The following VIPR1 variants were observed in gnomAD, a reference collection of about 807,000 sequenced individuals.
VIPR1 encodes the protein vasoactive intestinal polypeptide receptor 1.
In VIPR1, 59 loss-of-function variants were observed where a neutral mutation model predicts 58.8. The observed-to-expected ratio is 1.00, with a 90% CI of 0.81 to 1.25. The LOEUF (loss-of-function observed/expected upper bound fraction) is 1.25, where lower values mean the gene tolerates loss of function less well. Ranked by LOEUF, VIPR1 falls within the 50% of genes most tolerant of loss-of-function variation. VIPR1 has a pLI of 0.00. For synonymous variants in VIPR1, 251 were observed against 242.1 expected, an observed-to-expected ratio of 1.04 and a Z score of -0.34; for missense variants, 626 against 602.7, an observed-to-expected ratio of 1.04 and a Z score of -0.40.
intron 2 of VIPR1, among the ~76,000 whole-genome samples, chr3:42,515,094 G>A (rs984988599): frequency 1.2e-4 from 19 of 152,176 alleles, no homozygotes; most frequent in African/African-American, 3.6e-4. Flanking sequence ...CCATCTCCCC[G>A]CGGCTGAGCT....
At chr3:42,510,787 C>T (rs1700325717) in intron 1 of VIPR1, among the ~76,000 whole-genome samples, 1 of 152,066 alleles carries the variant, frequency 6.6e-6, no homozygotes, top group African/African-American at 2.4e-5. Flanking sequence ...GCTTCGGTAC[C>T]CACCCCTCCT....
chr3:42,531,284 A>T, intron 7 of VIPR1, 187 bp from the exon 8 acceptor site: 1 of 653,096 alleles, frequency 1.5e-6, no homozygotes, highest in Non-Finnish European at 2.7e-6. Context: ...TCAGGCATAC[A>T]GCTTCACCCC....
At chr3:42,513,721 G>A in intron 1 of VIPR1, 28 bp from the exon 2 acceptor site, 1 of 1,550,206 alleles carries the variant, frequency 6.5e-7, no homozygotes, top group Non-Finnish European at 8.7e-7. Context: ...GGACGAGGCT[G>A]ATGGGCCCTC....
chr3:42,528,091 A>G lies in VIPR1; in HGVS notation c.604A>G (p.Ser202Gly). The change falls in exon 6 of 13, where the codon AGC becomes GGC. Residue 202 changes from serine to glycine, a missense_variant. By Grantham distance (56) the Ser-to-Gly change is moderately conservative. Transcript: ENST00000325123. The part of the protein sequence containing the change: ...VFIKDLALFD[S>G]GESDQCSEGS... Reference sequence around the variant, plus strand: ...CATCAAAGACTTGGCCCTCTTCGACAGCGGGGAGTCGGACCAGTGCTCCGA... The same window carrying G: ...CATCAAAGACTTGGCCCTCTTCGACGGCGGGGAGTCGGACCAGTGCTCCGA... 6.2e-7 allele frequency: 1 copy of G among 1,613,948 alleles called. No individual in the cohort carries two copies. The highest frequency in any genetic ancestry group is 8.5e-7 in the Non-Finnish European group (1 of 1,179,928).
chr3:42,502,382 G>C (rs1699901577), upstream of VIPR1, among the ~76,000 whole-genome samples: 2 of 152,224 alleles, frequency 1.3e-5, no homozygotes, highest in South Asian at 4.1e-4. Context: ...AATGTGTTCG[G>C]GTCTCGAGAT....
chr3:42,522,561 A>ATG (rs1701007610), intron 3 of VIPR1, among the ~76,000 whole-genome samples: 1 of 152,162 alleles, frequency 6.6e-6, no homozygotes, highest in Non-Finnish European at 1.5e-5. Flanking sequence ...TGCTATAAAT[A>ATG]AGAAAACCTT....
chr3:42,501,727 C>T (rs890831234), upstream of VIPR1, among the ~76,000 whole-genome samples: 2 of 152,232 alleles, frequency 1.3e-5, no homozygotes, highest in African/African-American at 4.8e-5. The surrounding 1 kb of genome is among the most constrained non-coding windows in gnomAD (Gnocchi z 4.8). Flanking sequence ...CCTCTCTGGA[C>T]CCCAGTATCC....
In VIPR1 at chr3:42,530,896, C is replaced by T. The variant is rs750203135; in HGVS notation, c.754C>T (p.Arg252Trp). The change falls in exon 7 of 13, where the codon CGG (arginine) becomes TGG (tryptophan). Residue 252 changes from arginine to tryptophan, a missense_variant. Arg to Trp is a moderately radical substitution (Grantham distance 101). Coordinates refer to ENST00000325123, the MANE Select transcript of VIPR1 (RefSeq NM_004624.4). ...GCTTGCCGTCTCCTTCTTCTCTGAG[C>T]GGAAGTACTTCTGGGGGTACATACT... ...TLLAVSFFSERKYFWGYILIG... is the reference protein window; with the variant it reads ...TLLAVSFFSEWKYFWGYILIG... 2.4e-5 allele frequency: 39 copies of T among 1,613,942 alleles called. No individual in the cohort carries two copies. The highest frequency in any genetic ancestry group is 2.8e-5 in the Non-Finnish European group (33 of 1,179,968).
intron 3 of VIPR1, among the ~76,000 whole-genome samples, chr3:42,522,157 G>C (rs1410019732): frequency 7.8e-6 from 1 of 128,754 alleles, no homozygotes; most frequent in Non-Finnish European, 1.6e-5. Flanking sequence ...TGTCCCCCAG[G>C]CTGGAGTGCA....
At chr3:42,530,491 G>C in intron 6 of VIPR1, 2 of 359,046 alleles carry the variant, frequency 5.6e-6, no homozygotes, top group African/African-American at 2.0e-5. Context: ...ACATGGATAG[G>C]TGGGTAGATG....
intron 10 of VIPR1, chr3:42,532,701 G>A (rs772194526): frequency 4.1e-5 from 13 of 318,640 alleles, no homozygotes; most frequent in Non-Finnish European, 7.2e-5. Context: ...TAAACACATA[G>A]TAGATGAATG....
At position 42,502,821 on chromosome 3, in the gene VIPR1, T is replaced by C; in HGVS notation, c.78+8T>C. The C allele has an allele frequency of 8.0e-7, 1 of 1,256,364 alleles. No homozygotes were observed. The highest frequency in any genetic ancestry group is 1.0e-6 in the Non-Finnish European group (1 of 1,000,622). 77.8% of individuals were successfully genotyped at this position (1,256,364 alleles called of 1,614,324 possible). On this transcript the variant is annotated splice_region_variant and intron_variant, in intron 1 of 12. Coordinates refer to ENST00000325123, the MANE Select transcript of VIPR1 (RefSeq NM_004624.4). ...TGGGCCCTTGGGCCGGCGGTGAGTG[T>C]TCGCCCGGCCGCCCAGAGTCCCGGC...
At chr3:42,493,987 C>T (rs1050573392) in intron 1 of VIPR1, among the ~76,000 whole-genome samples, 4 of 152,208 alleles carry the variant, frequency 2.6e-5, no homozygotes, top group African/African-American at 7.2e-5. Context: ...CTGCCCACAC[C>T]CGTCCTGGGC....
intron 1 of VIPR1, among the ~76,000 whole-genome samples, chr3:42,503,251 C>T (rs1699953517): frequency 6.6e-6 from 1 of 152,078 alleles, no homozygotes; most frequent in East Asian, 1.9e-4. Context: ...TGCCTGTGGG[C>T]TGTCAGCATC....
chr3:42,535,445 A>G, intron 12 of VIPR1, 61 bp downstream of exon 12: 1 of 1,569,980 alleles, frequency 6.4e-7, no homozygotes, highest in South Asian at 1.1e-5. Flanking sequence ...GGGTCCGGAA[A>G]CATTGGTGGG....
chr3:42,524,182 G>A (rs580447), intron 3 of VIPR1, among the ~76,000 whole-genome samples: 4,032 of 152,242 alleles, frequency 0.026, 136 homozygotes, highest in African/African-American at 0.069. Flanking sequence ...GATTGTGGGT[G>A]GGATCCAGGG....
At chr3:42,522,101 A>ATTT (rs1158302778) in intron 3 of VIPR1, among the ~76,000 whole-genome samples, 4 of 35,374 alleles carry the variant, frequency 1.1e-4, no homozygotes, top group African/African-American at 2.1e-4. Context: ...ATATATATAT[A>ATTT]TTTTTTTTTT....
chr3:42,515,736 C>A (rs146915109), intron 2 of VIPR1, among the ~76,000 whole-genome samples: 1 of 152,320 alleles, frequency 6.6e-6, no homozygotes, highest in African/African-American at 2.4e-5. Context: ...TCTGGAGCTG[C>A]GTCTGTGCCT....
intron 1 of VIPR1, among the ~76,000 whole-genome samples, chr3:42,496,924 C>A (rs1559474730): frequency 6.6e-6 from 1 of 150,488 alleles, no homozygotes; most frequent in African/African-American, 2.5e-5. Context: ...TTTCATTTTT[C>A]TTTTTTCTGG....
Sources: gnomAD v4.1 joint callset for allele counts (sites outside exome capture counted in the v4.1 genomes callset) on GRCh38, gnomAD v4.1.1 for gene constraint, Gnocchi (gnomAD v3.1) non-coding constraint, MANE v1.5 for transcripts, NCBI Gene and HGNC (gene_info 2026-07-23, HGNC 2026-07-21) for gene names.